KIAA0232: variants seen among roughly 807,000 people sequenced by gnomAD.
KIAA0232 encodes uncharacterized protein KIAA0232.
KIAA0232 carries 27 observed loss-of-function variants against 122.0 expected under a neutral mutation model. The ratio of observed to expected loss-of-function variants is 0.22; its 90% CI spans 0.16 to 0.31. The LOEUF (loss-of-function observed/expected upper bound fraction) is 0.31. Ranked by LOEUF, KIAA0232 falls within the 10% of genes least tolerant of loss-of-function variation. The pLI is 1.00. For missense variants in KIAA0232, 1,551 were observed against 1,634.2 expected, an observed-to-expected ratio of 0.95 and a Z score of 0.88; for synonymous variants, 613 against 587.6, an observed-to-expected ratio of 1.04 and a Z score of -0.63.
intron 3 of KIAA0232, among the ~76,000 whole-genome samples, chr4:6,839,753 C>G (rs967267268): frequency 6.6e-6 from 1 of 152,038 alleles, no homozygotes; most frequent in Non-Finnish European, 1.5e-5. Flanking sequence ...TAGTTATGTC[C>G]TAGAGACAAA....
At chr4:6,852,357 C>G (rs1052413850) in intron 4 of KIAA0232, among the ~76,000 whole-genome samples, 2 of 152,070 alleles carry the variant, frequency 1.3e-5, no homozygotes, top group Non-Finnish European at 2.9e-5. Flanking sequence ...AGTTGGTGCT[C>G]TTTTGCTTAT....
intron 4 of KIAA0232, among the ~76,000 whole-genome samples, chr4:6,844,285 C>G (rs1160504247): frequency 6.6e-6 from 1 of 151,892 alleles, no homozygotes; most frequent in Non-Finnish European, 1.5e-5. Flanking sequence ...ACAGTGAGTG[C>G]TTATCACATG....
chr4:6,801,538 C>T (rs1239361757), intron 1 of KIAA0232, among the ~76,000 whole-genome samples: 1 of 151,516 alleles, frequency 6.6e-6, no homozygotes, highest in African/African-American at 2.4e-5. Context: ...AAGAAAAAAG[C>T]TGGACTTGAT....
rs6836941 is a variant in KIAA0232 at position 6,855,551 on chromosome 4, T to C, written c.370-1613T>C. Among the ~76,000 whole-genome samples, 24,330 of 152,064 alleles carry C rather than the reference T, an allele frequency of 0.16. 2,595 individuals are homozygous for C. Among genetic ancestry groups the C allele is most frequent in the East Asian group, 0.57 (2,976 of 5,176 alleles). On this transcript the variant is annotated intron_variant, in intron 4 of 9. Transcript: ENST00000307659. This position sits in a 1 kb window ranked among gnomAD's most constrained non-coding sequence, Gnocchi z 4.3. ...ATATGTTTATATATGACAGCAAATA[T>C]ATATATATCACTCATATAGTATACA...
intron 2 of KIAA0232, among the ~76,000 whole-genome samples, chr4:6,821,554 C>G (rs57520102): frequency 6.6e-6 from 1 of 151,896 alleles, no homozygotes; most frequent in African/African-American, 2.4e-5. Flanking sequence ...GCCATTACTT[C>G]GTTCCTTTTT....
At chr4:6,843,546 A>T (rs1186299359) in intron 4 of KIAA0232, among the ~76,000 whole-genome samples, 2 of 152,194 alleles carry the variant, frequency 1.3e-5, no homozygotes, top group African/African-American at 4.8e-5. Context: ...AGGCGGGCAG[A>T]TCACCTGAGG....
intron 3 of KIAA0232, among the ~76,000 whole-genome samples, chr4:6,836,221 G>A (rs1057192114): frequency 1.3e-5 from 2 of 152,128 alleles, no homozygotes; most frequent in African/African-American, 4.8e-5. Flanking sequence ...GATGACCAGT[G>A]ATGATGAGCA....
At chr4:6,846,188 G>A (rs1719956681) in intron 4 of KIAA0232, among the ~76,000 whole-genome samples, 2 of 152,086 alleles carry the variant, frequency 1.3e-5, no homozygotes, top group Non-Finnish European at 2.9e-5. Context: ...AAGTGAATGT[G>A]CCAGGCATAA....
rs1284468682 is a variant in KIAA0232, at chr4:6,862,607, T to A, written c.2225T>A (p.Ile742Asn). The A allele has an allele frequency of 6.2e-7, 1 of 1,613,886 alleles. No homozygotes were observed. The highest frequency in any genetic ancestry group is 1.7e-5 in the Admixed American group (1 of 59,980). The change falls in exon 7 of 10, where the codon ATT becomes AAT. Residue 742 changes from isoleucine (I) to asparagine (N), a missense_variant. Physicochemically the swap from Ile to Asn is moderately radical, Grantham distance 149 (BLOSUM62 -3). Transcript: ENST00000307659. The stretch of plus-strand genomic sequence containing the variant: ...TCCACACAGTTTAATGCCGAAGATA[T>A]TAATTATGTAGTTCCTAGAGTCTCG... ...EESTQFNAEDINYVVPRVSSN... is the reference protein window; with the variant it reads ...EESTQFNAEDNNYVVPRVSSN...
At chr4:6,787,294 A>C (rs919411955) in intron 1 of KIAA0232, among the ~76,000 whole-genome samples, 1 of 152,096 alleles carries the variant, frequency 6.6e-6, no homozygotes, top group Non-Finnish European at 1.5e-5. Flanking sequence ...ATGCATCAAA[A>C]GCAATTGCGT....
chr4:6,783,401 CT>C (rs1235888337), intron 1 of KIAA0232, among the ~76,000 whole-genome samples: 1 of 152,218 alleles, frequency 6.6e-6, no homozygotes, highest in Admixed American at 6.5e-5. Flanking sequence ...CGGGGCGGCT[CT>C]TCTAGGGGAG....
intron 2 of KIAA0232, among the ~76,000 whole-genome samples, chr4:6,812,915 A>G (rs965176646): frequency 3.3e-5 from 5 of 152,224 alleles, no homozygotes; most frequent in Non-Finnish European, 7.3e-5. Context: ...AATAATTTTC[A>G]TATGTTGTAA....
rs774559773 is a variant in KIAA0232, at chr4:6,861,068, G to T, written c.686G>T (p.Ser229Ile). 6.2e-7 allele frequency: 1 copy of T among 1,614,178 alleles called. No homozygotes were observed. The highest frequency in any genetic ancestry group is 8.5e-7 in the Non-Finnish European group (1 of 1,180,024). Residue 229 changes from serine to isoleucine, a missense_variant, in exon 7 of 10, where the codon AGT becomes ATT. Around this residue, in one of 5 missense-constraint regions of KIAA0232, gnomAD observed 377 missense variants for 381.7 expected, o/e 0.99. Transcript: ENST00000307659. ...TSSPKDCNSE[S>I]EVTKERSSEV... ...TCTCCTAAGGACTGCAACAGTGAAA[G>T]TGAAGTCACCAAGGAAAGAAGCAGT...
chr4:6,797,208 C>T (rs956693579), intron 1 of KIAA0232, among the ~76,000 whole-genome samples: 3 of 152,162 alleles, frequency 2.0e-5, no homozygotes, highest in African/African-American at 7.2e-5. Context: ...AACTGAAGCT[C>T]CTCTGACTGG....
rs376235229 is a variant in KIAA0232 at position 6,863,467 on chromosome 4, C to A, written c.3085C>A (p.Gln1029Lys). Reference sequence around the variant, plus strand: ...CTTACTAGGAGCTTGTGGCAACTTTCAAGTCGAAGATCCTGGACTTGAATA... The same window carrying A: ...CTTACTAGGAGCTTGTGGCAACTTTAAAGTCGAAGATCCTGGACTTGAATA... ...EDLLGACGNF[Q>K]VEDPGLEYSF... Residue 1029 changes from glutamine (Q) to lysine (K), a missense_variant, in exon 7 of 10, where the codon CAA (glutamine) becomes AAA (lysine). Coordinates refer to ENST00000307659, the MANE Select transcript of KIAA0232 (RefSeq NM_014743.3). 5.6e-6 allele frequency: 9 copies of A among 1,614,042 alleles called. No individual in the cohort carries two copies. Among genetic ancestry groups the A allele is most frequent in the African/African-American group, 1.3e-5 (1 of 74,924 alleles).
chr4:6,876,691 T>G lies in KIAA0232; in HGVS notation c.3942T>G (p.Gly1314=), dbSNP rs1163323826. 1 of 1,612,850 alleles carries G rather than the reference T, an allele frequency of 6.2e-7. No individual in the cohort carries two copies. The highest frequency in any genetic ancestry group is 2.2e-5 in the East Asian group (1 of 44,878). ...ACACAAATGCCAAGGGAGAGAGTGG[T>G]TTAGAAGAATATCCAGATGCTAAAG... ...ECYTNAKGES[G]LEEYPDAKET... Residue 1314 remains glycine (G), a synonymous_variant, in exon 9 of 10, where the codon GGT becomes GGG. Coordinates refer to ENST00000307659, the MANE Select transcript of KIAA0232 (RefSeq NM_014743.3).
At chr4:6,784,638 A>G (rs536505735) in intron 1 of KIAA0232, among the ~76,000 whole-genome samples, 1 of 152,222 alleles carries the variant, frequency 6.6e-6, no homozygotes, top group Non-Finnish European at 1.5e-5. Context: ...CTCAGATTCA[A>G]TTGCTGTACT....
At chr4:6,792,773 T>G (rs1716960258) in intron 1 of KIAA0232, among the ~76,000 whole-genome samples, 1 of 149,670 alleles carries the variant, frequency 6.7e-6, no homozygotes, top group Non-Finnish European at 1.5e-5. Flanking sequence ...CACTGCAAGC[T>G]CCGCCTCCTG....
chr4:6,848,199 A>G (rs1720076528), intron 4 of KIAA0232, among the ~76,000 whole-genome samples: 2 of 152,218 alleles, frequency 1.3e-5, no homozygotes, highest in South Asian at 2.1e-4. Context: ...TACCAGTAAA[A>G]TTCTTTTTGC....
Sources: allele counts gnomAD v4.1 joint callset (sites outside exome capture counted in the v4.1 genomes callset), GRCh38; gene constraint gnomAD v4.1.1; regional missense constraint gnomAD v4.1.1; non-coding constraint Gnocchi (gnomAD v3.1); transcripts MANE v1.5; gene names NCBI Gene and HGNC (gene_info 2026-07-23, HGNC 2026-07-21).